Variants in VGLL4 observed in about 807,000 individuals in gnomAD.
The protein encoded by VGLL4 is transcription cofactor vestigial-like protein 4.
Under a neutral mutation model 21.0 loss-of-function variants are expected in VGLL4, and 7 were observed. The observed-to-expected ratio is 0.33, with a 90% CI of 0.19 to 0.63. The LOEUF (loss-of-function observed/expected upper bound fraction) is 0.63. Ranked by LOEUF, VGLL4 falls within the 20% of genes least tolerant of loss-of-function variation. The pLI, the probability that VGLL4 is intolerant of heterozygous loss-of-function variation, is 0.78. For synonymous variants in VGLL4, 222 were observed against 173.2 expected, an observed-to-expected ratio of 1.28 and a Z score of -2.21; for missense variants, 394 against 425.7, an observed-to-expected ratio of 0.93 and a Z score of 0.66.
chr3:11,559,110 GGCATGA>G (rs2072721588), intron 4 of VGLL4, among the ~76,000 whole-genome samples: 1 of 152,192 alleles, frequency 6.6e-6, no homozygotes, highest in Non-Finnish European at 1.5e-5. Flanking sequence ...CTGCAACTAG[GGCATGA>G]GACCCTGGAA....
intron 2 of VGLL4, among the ~76,000 whole-genome samples, chr3:11,679,370 A>G (rs200490224): frequency 8.5e-6 from 1 of 118,048 alleles, no homozygotes; most frequent in South Asian, 2.9e-4. Flanking sequence ...GTAAAAATTG[A>G]AAAAAAAAAA....
chr3:11,582,440 A>G, intron 2 of VGLL4: 1 of 1,452,672 alleles, frequency 6.9e-7, no homozygotes, highest in Non-Finnish European at 9.3e-7. Flanking sequence ...GAGGGTTGCG[A>G]GGTAAGGGGC....
At chr3:11,580,916 T>C (rs964401165) in intron 2 of VGLL4, among the ~76,000 whole-genome samples, 2 of 152,256 alleles carry the variant, frequency 1.3e-5, no homozygotes, top group African/African-American at 2.4e-5. Context: ...TTTCTCACTG[T>C]GAACCTTTAA....
Position 11,568,965 on chromosome 3 carries a change from AG to A in VGLL4, c.273-3947del. The A allele has an allele frequency of 8.5e-7, 1 of 1,180,320 alleles. No individual in the cohort carries two copies. Among genetic ancestry groups the A allele is most frequent in the South Asian group, 2.1e-5 (1 of 48,042 alleles). 73.1% of individuals were successfully genotyped at this position (1,180,320 alleles called of 1,614,324 possible). A position where few individuals can be genotyped will look rare whatever the true frequency, so the allele number is the denominator to read the frequency against. ...CCACGGAGAGAAAGATGGAAAGAGG[AG>A]GGAGGGAAAGAGAGGCCTACAACAC... On this transcript the variant is annotated intron_variant, in intron 2 of 4. Coordinates refer to ENST00000430365, the MANE Select transcript of VGLL4 (RefSeq NM_001128219.3). The surrounding 1 kb of genome is among the most constrained non-coding windows in gnomAD (Gnocchi z 5.9).
chr3:11,648,670 T>C (rs1437569642), upstream of VGLL4, among the ~76,000 whole-genome samples: 1 of 152,150 alleles, frequency 6.6e-6, no homozygotes, highest in East Asian at 1.9e-4. Flanking sequence ...TTCTTGGTAT[T>C]CAAAGAACAT....
chr3:11,651,930 A>G (rs1575496370), intron 2 of VGLL4, among the ~76,000 whole-genome samples: 1 of 152,302 alleles, frequency 6.6e-6, no homozygotes, highest in Middle Eastern at 3.4e-3. Context: ...ACAAAAGCAA[A>G]TATCATTAAA....
intron 1 of VGLL4, among the ~76,000 whole-genome samples, chr3:11,615,372 C>A (rs2075142731): frequency 6.6e-6 from 1 of 152,200 alleles, no homozygotes; most frequent in Non-Finnish European, 1.5e-5. Context: ...AATGAGCTGT[C>A]CCTACAAATT....
chr3:11,587,938 C>T (rs573635218), intron 2 of VGLL4, among the ~76,000 whole-genome samples: 1 of 152,346 alleles, frequency 6.6e-6, no homozygotes, highest in East Asian at 1.9e-4. Context: ...ACCGACTGAA[C>T]CTCGCGCATG....
chr3:11,638,154 C>A (rs1429408024), intron 1 of VGLL4, among the ~76,000 whole-genome samples: 1 of 152,200 alleles, frequency 6.6e-6, no homozygotes, highest in Non-Finnish European at 1.5e-5. Flanking sequence ...AGTTTGGAAT[C>A]TCCTCACGTG....
chr3:11,624,226 A>G (rs1275771597), intron 1 of VGLL4, among the ~76,000 whole-genome samples: 1 of 152,190 alleles, frequency 6.6e-6, no homozygotes, highest in Non-Finnish European at 1.5e-5. Context: ...ATGTCATTTT[A>G]GCGTGCCCCA....
rs889298834 is a variant in VGLL4, at chr3:11,564,910, T to C, written c.382A>G (p.Thr128Ala). 33 of 1,600,060 alleles carry C rather than the reference T, an allele frequency of 2.1e-5. No individual in the cohort carries two copies. The Admixed American group carries it at 2.7e-4, about 13-fold the overall frequency. Residue 128 changes from threonine (T) to alanine (A), a missense_variant, in exon 3 of 5, where the codon ACC becomes GCC. Thr to Ala is a moderately conservative substitution (Grantham distance 58, BLOSUM62 0). Transcript: ENST00000430365. ...TCCAGGCCAAGGCTGGGGAGGGAGG[T>C]GTACAGGTGGCTGCCGTGCAGGCTC... ...TMSLHGSHLY[T>A]SLPSLGLEQP...
rs1405987429 is a variant in VGLL4, at chr3:11,631,430, G to GT, written c.82+12006dup. The stretch of plus-strand genomic sequence containing the variant: ...AAATATAAAAGAAACACAAATCTGA[G>GT]TTTTTTGTCCTTATCAGCAGATAAG... On this transcript the variant is annotated intron_variant, in intron 1 of 4. Coordinates refer to ENST00000430365, the MANE Select transcript of VGLL4 (RefSeq NM_001128219.3). Among the ~76,000 whole-genome samples, 4 of 152,184 alleles carry GT rather than the reference G, an allele frequency of 2.6e-5. No individual in the cohort carries two copies. In the South Asian group the frequency reaches 6.2e-4, roughly 24 times the overall value.
At chr3:11,694,141 T>C (rs975329081) in intron 2 of VGLL4, among the ~76,000 whole-genome samples, 10 of 152,342 alleles carry the variant, frequency 6.6e-5, no homozygotes, top group African/African-American at 2.4e-4. Context: ...GAGATGATAC[T>C]GTAATCCTTC....
chr3:11,644,747 G>A (rs2075761214), upstream of VGLL4, among the ~76,000 whole-genome samples: 2 of 151,214 alleles, frequency 1.3e-5, no homozygotes, highest in African/African-American at 2.4e-5. Flanking sequence ...TCAGGAGGCT[G>A]AGGTGGGAGA....
chr3:11,694,044 C>T (rs1457268485), intron 2 of VGLL4, among the ~76,000 whole-genome samples: 1 of 152,134 alleles, frequency 6.6e-6, no homozygotes, highest in Non-Finnish European at 1.5e-5. Flanking sequence ...GGGCAAACTA[C>T]AGAAGCCCTA....
intron 2 of VGLL4, among the ~76,000 whole-genome samples, chr3:11,590,676 G>GTGTC (rs1328718343): frequency 2.4e-4 from 35 of 148,406 alleles, no homozygotes; most frequent in African/African-American, 6.7e-4. Flanking sequence ...GTGTGTGTGT[G>GTGTC]TGTGTGTGTG....
At chr3:11,579,369 G>GA (rs879384148) in intron 2 of VGLL4, among the ~76,000 whole-genome samples, 10 of 152,156 alleles carry the variant, frequency 6.6e-5, no homozygotes, top group East Asian at 1.9e-4. Flanking sequence ...GTTCCCACGG[G>GA]AAAAAAACAG....
chr3:11,704,763 G>A (rs1386819067), intron 1 of VGLL4, among the ~76,000 whole-genome samples: 1 of 152,152 alleles, frequency 6.6e-6, no homozygotes, highest in Non-Finnish European at 1.5e-5. Flanking sequence ...GCGAAACCTC[G>A]TAGACGTCAT....
At chr3:11,631,581 A>G (rs1470133200) in intron 1 of VGLL4, among the ~76,000 whole-genome samples, 2 of 152,200 alleles carry the variant, frequency 1.3e-5, no homozygotes, top group African/African-American at 4.8e-5. Context: ...TTCCTCCTTT[A>G]TGCTCTAAAC....
Sources: allele counts gnomAD v4.1 joint callset (sites outside exome capture counted in the v4.1 genomes callset), GRCh38; gene constraint gnomAD v4.1.1; non-coding constraint Gnocchi (gnomAD v3.1); transcripts MANE v1.5; gene names NCBI Gene and HGNC (gene_info 2026-07-23, HGNC 2026-07-21).